Variants in ITSN1 observed in about 807,000 individuals in gnomAD.
ITSN1 encodes the protein intersectin-1.
A neutral mutation model predicts 239.8 loss-of-function variants in ITSN1; 58 were observed. The observed-to-expected ratio is 0.24, with a 90% CI of 0.20 to 0.30. The LOEUF is 0.30. Among genes scored for constraint, ITSN1 ranks in the 10% least tolerant of loss-of-function variants. ITSN1 has a pLI of 1.00. For missense variants in ITSN1, 1,558 were observed against 2,103.3 expected (o/e 0.74, Z 5.07); for synonymous variants, 780 against 770.8 (o/e 1.01, Z -0.20).
intron 1 of ITSN1, among the ~76,000 whole-genome samples, chr21:33,680,259 T>C (rs1394387654): frequency 3.3e-5 from 5 of 152,272 alleles, no homozygotes; most frequent in African/African-American, 1.2e-4. Flanking sequence ...TTTGTTCTTT[T>C]CTTTCTCTAA....
At chr21:33,828,089 C>T (rs1177759139) in intron 26 of ITSN1, among the ~76,000 whole-genome samples, 1 of 152,184 alleles carries the variant, frequency 6.6e-6, no homozygotes, top group Non-Finnish European at 1.5e-5. Flanking sequence ...CCAGAGGGTC[C>T]AGATATTTCA....
chr21:33,706,994 A>G (rs1006644527), intron 1 of ITSN1, among the ~76,000 whole-genome samples: 8 of 152,146 alleles, frequency 5.3e-5, no homozygotes, highest in African/African-American at 1.9e-4. Flanking sequence ...AAGTGCTGGG[A>G]TTACAGGTGT....
rs142129162 is a variant in ITSN1, at chr21:33,895,597, ATG to A, written c.*7301_*7302del. The A allele has an allele frequency of 0.28, 39,210 of 142,302 alleles. 4,903 individuals are homozygous for A. Among genetic ancestry groups the A allele is most frequent in the Middle Eastern group, 0.34 (90 of 268 alleles). 8.8% of individuals were successfully genotyped at this position (142,302 alleles called of 1,614,324 possible). A position where few individuals can be genotyped will look rare whatever the true frequency, so the allele number is the denominator to read the frequency against. ...TGCGTGTGTGCATGTTTGTGAGTGC[ATG>A]TGTTTGTGCGTGTGTGCGTATTTGT... On this transcript the variant is annotated 3_prime_UTR_variant, in exon 40 of 40. Transcript: ENST00000381318.
chr21:33,726,355 C>T (rs2065832086), intron 4 of ITSN1, among the ~76,000 whole-genome samples: 1 of 135,140 alleles, frequency 7.4e-6, no homozygotes, highest in African/African-American at 2.6e-5. Flanking sequence ...CTCCCTCCAA[C>T]CCCCATACTA....
rs577255230 is a variant in ITSN1, at chr21:33,781,641, C to T, written c.1684+93C>T. On this transcript the variant is annotated intron_variant, in intron 15 of 39. Transcript: ENST00000381318. ...TGTCCCCCAGGCTGGAGTGCAGTGG[C>T]GCAATCTCGGCCAACTGTAACCTCC... 103 of 735,600 alleles carry T rather than the reference C, an allele frequency of 1.4e-4. No homozygotes were observed. In the South Asian group the frequency reaches 1.8e-3, roughly 13 times the overall value. The allele number at this position is 735,600 out of a possible 1,614,324, so 45.6% of individuals were successfully genotyped here. A position where few individuals can be genotyped will look rare whatever the true frequency, so the allele number is the denominator to read the frequency against.
intron 1 of ITSN1, among the ~76,000 whole-genome samples, chr21:33,644,261 CAT>C (rs2087720143): frequency 6.6e-6 from 1 of 152,060 alleles, no homozygotes; most frequent in South Asian, 2.1e-4. Context: ...AAAATACATA[CAT>C]ATGAAAGAAA....
chr21:33,762,884 G>A (rs1318526266), intron 9 of ITSN1, among the ~76,000 whole-genome samples: 1 of 151,824 alleles, frequency 6.6e-6, no homozygotes, highest in Non-Finnish European at 1.5e-5. Flanking sequence ...GGCTGGTCTC[G>A]AGCTCCTGAC....
chr21:33,856,909 G>A, intron 30 of ITSN1, 52 bp downstream of exon 30: 1 of 1,554,790 alleles, frequency 6.4e-7, no homozygotes. Flanking sequence ...GACGGAGGGA[G>A]AGGGGAGGGT....
At chr21:33,766,470 A>G (rs1248260317) in intron 10 of ITSN1, among the ~76,000 whole-genome samples, 4 of 152,226 alleles carry the variant, frequency 2.6e-5, no homozygotes, top group Non-Finnish European at 5.9e-5. Context: ...AAAGATGTCA[A>G]GAGAGTCACC....
At chr21:33,857,272 C>G (rs568449915) in intron 30 of ITSN1, among the ~76,000 whole-genome samples, 191 of 152,202 alleles carry the variant, frequency 1.3e-3, no homozygotes, top group Non-Finnish European at 2.5e-3. Context: ...GCTGCTGTCT[C>G]GAGTCATTCC....
At position 33,888,268 on chromosome 21, in the gene ITSN1, C is replaced by T. The variant is rs1251628654; in HGVS notation, c.5134C>T (p.Arg1712Cys). 11 of 1,613,944 alleles carry T rather than the reference C, an allele frequency of 6.8e-6. No homozygotes were observed. Among genetic ancestry groups the T allele is most frequent in the African/African-American group, 4.0e-5 (3 of 75,034 alleles). ...HEVPTGEIVV[R>C]LDLQLFDEP ...AGTCCCCACGGGAGAGATTGTGGTC[C>T]GCTTGGACCTGCAGTTGTTTGATGA... The change falls in exon 40 of 40, where the codon CGC becomes TGC. Residue 1712 changes from arginine to cysteine, a missense_variant. Physicochemically the swap from Arg to Cys is radical, Grantham distance 180. Transcript: ENST00000381318.
chr21:33,857,027 C>T (rs144449228), intron 30 of ITSN1, among the ~76,000 whole-genome samples, 170 bp downstream of exon 30: 4 of 152,302 alleles, frequency 2.6e-5, no homozygotes, highest in South Asian at 2.1e-4. Flanking sequence ...AGAGACGGTT[C>T]GTTGCTTATC....
At chr21:33,862,164 CAAAAAAA>C (rs59129090) in intron 31 of ITSN1, among the ~76,000 whole-genome samples, 9 of 79,822 alleles carry the variant, frequency 1.1e-4, no homozygotes, top group Non-Finnish European at 2.0e-4. Flanking sequence ...GACTGTGTCA[CAAAAAAA>C]AAAAAAAAAA....
At chr21:33,711,609 T>G (rs2092416485) in intron 1 of ITSN1, among the ~76,000 whole-genome samples, 2 of 151,994 alleles carry the variant, frequency 1.3e-5, no homozygotes, top group African/African-American at 4.8e-5. Flanking sequence ...ACATTCCATT[T>G]TCATTTGCCT....
At position 33,772,268 on chromosome 21, in the gene ITSN1, G is replaced by A. The variant is rs777736654; in HGVS notation, c.1250G>A (p.Arg417Gln). The A allele has an allele frequency of 4.2e-5, 66 of 1,587,184 alleles. No homozygotes were observed. Among genetic ancestry groups the A allele is most frequent in the Non-Finnish European group, 5.1e-5 (60 of 1,166,246 alleles). The change falls in exon 12 of 40, where the codon CGG becomes CAG. Residue 417 changes from arginine (R) to glutamine (Q), a missense_variant. Coordinates refer to ENST00000381318, the MANE Select transcript of ITSN1 (RefSeq NM_003024.3). ...LELEKQLEKQ[R>Q]ELERQREEER... is the part of the protein sequence containing the mutation. The stretch of plus-strand genomic sequence containing the variant: ...CTGGAGAAGCAACTGGAAAAGCAGC[G>A]GGAGCTAGAACGGCAGAGAGAGGAG...
intron 5 of ITSN1, among the ~76,000 whole-genome samples, chr21:33,743,199 C>T (rs147757401): frequency 0.042 from 6,328 of 152,344 alleles, 164 homozygotes; most frequent in Non-Finnish European, 0.066. Context: ...GGCGCAGTGG[C>T]TCACGCCTGT....
At chr21:33,860,315 G>GAAAAAAAA (rs537916792) in intron 31 of ITSN1, among the ~76,000 whole-genome samples, 3 of 70,324 alleles carry the variant, frequency 4.3e-5, no homozygotes, top group East Asian at 4.2e-4. Context: ...CTCAAAAAAA[G>GAAAAAAAA]AAAAAAAAAA....
At chr21:33,655,603 T>TTTTG (rs2088984624) in intron 1 of ITSN1, among the ~76,000 whole-genome samples, 1 of 149,434 alleles carries the variant, frequency 6.7e-6, no homozygotes, top group South Asian at 2.1e-4. Context: ...TTTTTTTTTT[T>TTTTG]GGTATTTTTA....
intron 27 of ITSN1, among the ~76,000 whole-genome samples, chr21:33,832,349 A>G (rs981413034): frequency 3.3e-5 from 5 of 152,128 alleles, no homozygotes; most frequent in Non-Finnish European, 7.3e-5. Context: ...AGTATTTTAT[A>G]TTACTTTGCT....
Sources: gnomAD v4.1 joint callset for allele counts (sites outside exome capture counted in the v4.1 genomes callset) on GRCh38, gnomAD v4.1.1 for gene constraint, MANE v1.5 for transcripts, NCBI Gene and HGNC (gene_info 2026-07-23, HGNC 2026-07-21) for gene names.